RASEF: variants seen among roughly 807,000 people sequenced by gnomAD.
The protein encoded by RASEF is RAS and EF-hand domain containing.
Under a neutral mutation model 90.1 loss-of-function variants are expected in RASEF, and 68 were observed. The observed-to-expected ratio is 0.75, with a 90% CI of 0.62 to 0.92. The LOEUF is 0.92. Among genes scored for constraint, RASEF ranks in the 40% least tolerant of loss-of-function variants. The probability of loss-of-function intolerance (pLI) is 0.00; values close to 1 mark genes in which losing one functional copy is unlikely to be tolerated. For missense variants in RASEF, 949 were observed against 937.2 expected (o/e 1.01, Z -0.16); for synonymous variants, 331 against 345.2 (o/e 0.96, Z 0.46).
At chr9:83,218,085 G>C in the RASEF span, among the ~76,000 whole-genome samples, 1 of 152,134 alleles carries the variant, frequency 6.6e-6, no homozygotes, top group Non-Finnish European at 1.5e-5. Flanking sequence ...AGGGGAGGGG[G>C]CAGAAATGAA....
intron 1 of RASEF, 92 bp downstream of exon 1, chr9:83,062,345 G>T (rs1041129811): frequency 1.6e-6 from 2 of 1,213,206 alleles, no homozygotes; most frequent in Admixed American, 2.0e-5. Flanking sequence ...GACTAGGGGG[G>T]GGGGCCATTG....
the RASEF span, among the ~76,000 whole-genome samples, chr9:83,214,674 A>C: frequency 6.6e-6 from 1 of 152,086 alleles, no homozygotes; most frequent in African/African-American, 2.4e-5. Context: ...GATAGTGAAT[A>C]AGTCTCAAAG....
intron 1 of RASEF, chr9:83,048,459 A>T: frequency 1.0e-6 from 1 of 985,330 alleles, no homozygotes; most frequent in Non-Finnish European, 1.2e-6. Context: ...CCAGCCAAGC[A>T]ACTTGGACTT....
Position 83,000,576 on chromosome 9 carries a change from T to G in RASEF, c.1438-6A>C. ...TCATCCCTTATGTCAGGAACCTATT[T>G]TTTTTAAAATGTCAGCAGTTAAATT... is the stretch of plus-strand genomic sequence containing the variant. On this transcript the variant is annotated splice_region_variant and splice_polypyrimidine_tract_variant and intron_variant, in intron 10 of 16. Coordinates refer to ENST00000376447, the MANE Select transcript of RASEF (RefSeq NM_152573.4). 1 of 1,582,460 alleles carries G rather than the reference T, an allele frequency of 6.3e-7. No homozygotes were observed. The highest frequency in any genetic ancestry group is 2.2e-5 in the East Asian group (1 of 44,580).
At chr9:83,158,803 A>AAT in the RASEF span, among the ~76,000 whole-genome samples, 1 of 142,290 alleles carries the variant, frequency 7.0e-6, no homozygotes, top group African/African-American at 2.7e-5. Flanking sequence ...TATGCATATA[A>AAT]ATATATATAT....
At chr9:83,131,814 C>T in the RASEF span, among the ~76,000 whole-genome samples, 1 of 152,064 alleles carries the variant, frequency 6.6e-6, no homozygotes, top group Non-Finnish European at 1.5e-5. Flanking sequence ...ATAGTCAGCC[C>T]AAATCATCCC....
the RASEF span, among the ~76,000 whole-genome samples, chr9:83,156,820 T>C: frequency 6.6e-6 from 1 of 152,184 alleles, no homozygotes; most frequent in East Asian, 1.9e-4. Flanking sequence ...TTGGGATGGG[T>C]TAGTGAGACC....
chr9:83,023,029 T>C (rs1216334913), intron 2 of RASEF, among the ~76,000 whole-genome samples: 1 of 152,202 alleles, frequency 6.6e-6, no homozygotes, highest in African/African-American at 2.4e-5. Context: ...ACAGTAAAGA[T>C]ATCAAAGTGC....
At chr9:83,019,258 CAT>C (rs1381425752) in intron 3 of RASEF, among the ~76,000 whole-genome samples, 1 of 151,956 alleles carries the variant, frequency 6.6e-6, no homozygotes, top group Non-Finnish European at 1.5e-5. Context: ...ACTCTCAAAA[CAT>C]AGTAATTTTT....
the RASEF span, among the ~76,000 whole-genome samples, chr9:83,178,960 C>G: frequency 6.6e-6 from 1 of 152,174 alleles, no homozygotes. Flanking sequence ...AAACCACAAT[C>G]TGATTATTTT....
At chr9:83,041,493 CT>C (rs1829842086) in intron 1 of RASEF, among the ~76,000 whole-genome samples, 1 of 152,178 alleles carries the variant, frequency 6.6e-6, no homozygotes, top group Non-Finnish European at 1.5e-5. Flanking sequence ...TAGAGATTTT[CT>C]TATGAATTTC....
At chr9:83,107,279 C>G in the RASEF span, among the ~76,000 whole-genome samples, 4,430 of 152,254 alleles carry the variant, frequency 0.029, 216 homozygotes, top group African/African-American at 0.1. Flanking sequence ...GTTCCTAATC[C>G]TTGGATCCCA....
At chr9:83,165,197 A>G in the RASEF span, among the ~76,000 whole-genome samples, 2 of 152,100 alleles carry the variant, frequency 1.3e-5, no homozygotes, top group Non-Finnish European at 2.9e-5. Context: ...ACAACAGCAG[A>G]ATACACATTC....
At chr9:82,999,369 T>G (rs1828980730) in intron 12 of RASEF, among the ~76,000 whole-genome samples, 1 of 152,144 alleles carries the variant, frequency 6.6e-6, no homozygotes, top group Non-Finnish European at 1.5e-5. Context: ...AGGGTTTTCC[T>G]GGCCACCCTG....
chr9:83,092,924 C>T, the RASEF span, among the ~76,000 whole-genome samples: 3 of 152,124 alleles, frequency 2.0e-5, no homozygotes, highest in African/African-American at 7.2e-5. Context: ...AATTGGTGCA[C>T]TCACAAACCC....
chr9:83,137,279 G>A, the RASEF span, among the ~76,000 whole-genome samples: 6 of 151,964 alleles, frequency 3.9e-5, no homozygotes, highest in Non-Finnish European at 8.8e-5. Flanking sequence ...AATACTCTTT[G>A]GGGATTGTTG....
chr9:83,109,116 CAT>C, the RASEF span, among the ~76,000 whole-genome samples: 7,572 of 152,294 alleles, frequency 0.05, 240 homozygotes, highest in South Asian at 0.1. Context: ...GAAGTAAAAA[CAT>C]GTGTACCAAA....
At chr9:83,025,109 A>C (rs1829520681) in intron 2 of RASEF, among the ~76,000 whole-genome samples, 1 of 150,946 alleles carries the variant, frequency 6.6e-6, no homozygotes, top group Non-Finnish European at 1.5e-5. Flanking sequence ...TTTTTTTTGC[A>C]TGACATAGCT....
At chr9:83,002,349 TTC>T (rs1296479337) in intron 9 of RASEF, among the ~76,000 whole-genome samples, 2 of 152,116 alleles carry the variant, frequency 1.3e-5, no homozygotes, top group African/African-American at 2.4e-5. Flanking sequence ...GTAACTAACT[TTC>T]TCTCTCTCAA....
Sources: gnomAD v4.1 joint callset for allele counts (sites outside exome capture counted in the v4.1 genomes callset) on GRCh38, gnomAD v4.1.1 for gene constraint, MANE v1.5 for transcripts, NCBI Gene and HGNC (gene_info 2026-07-23, HGNC 2026-07-21) for gene names.